The following RBFOX1 variants were observed in gnomAD, a reference collection of about 807,000 sequenced individuals.
RBFOX1 encodes RNA binding protein fox-1 homolog 1.
RBFOX1 carries 8 observed loss-of-function variants against 57.7 expected under a neutral mutation model. The ratio of observed to expected loss-of-function variants is 0.14; its 90% confidence interval spans 0.08 to 0.25. RBFOX1 has a LOEUF of 0.25. RBFOX1 is among the 10% of genes least tolerant of loss of function. RBFOX1 has a pLI of 1.00. For synonymous variants in RBFOX1, 326 were observed against 222.4 expected, an observed-to-expected ratio of 1.47 and a Z score of -4.15; for missense variants, 611 against 548.5, an observed-to-expected ratio of 1.11 and a Z score of -1.14.
At chr16:5,885,996 C>T (rs2057890293) in intron 4 of RBFOX1, among the ~76,000 whole-genome samples, 1 of 152,094 alleles carries the variant, frequency 6.6e-6, no homozygotes, top group Non-Finnish European at 1.5e-5. Flanking sequence ...AGTGAGTTGT[C>T]ATGAGATCTG....
intron 3 of RBFOX1, among the ~76,000 whole-genome samples, chr16:5,648,123 G>T (rs1303677709): frequency 6.6e-6 from 1 of 152,188 alleles, no homozygotes; most frequent in East Asian, 1.9e-4. Context: ...ACCTCCCAGA[G>T]TGCTGGGATC....
At chr16:7,475,343 C>T (rs559957455) in intron 4 of RBFOX1, among the ~76,000 whole-genome samples, 2 of 142,036 alleles carry the variant, frequency 1.4e-5, no homozygotes, top group South Asian at 4.4e-4. Context: ...TAGATGGAGT[C>T]TCGCTCTGTC....
chr16:6,291,699 AG>A (rs2077483676), intron 1 of RBFOX1, among the ~76,000 whole-genome samples: 1 of 152,230 alleles, frequency 6.6e-6, no homozygotes, highest in African/African-American at 2.4e-5. Flanking sequence ...AGACAGACAA[AG>A]GCATAAATAA....
intron 3 of RBFOX1, among the ~76,000 whole-genome samples, chr16:5,788,634 A>G (rs1240126628): frequency 1.3e-5 from 2 of 152,210 alleles, no homozygotes; most frequent in African/African-American, 4.8e-5. Flanking sequence ...GTCTCAATAA[A>G]TAAATGATAA....
Position 7,155,325 on chromosome 16 carries a change from G to T in RBFOX1, c.27+103227G>T, listed in dbSNP as rs538172601. ...GTTGGAGGATTGGCCAGGTACAGTG[G>T]CTACTTGTGATCCTGGCACTTTGGG... On this transcript the variant is annotated intron_variant, in intron 4 of 15. Coordinates refer to ENST00000550418, the MANE Select transcript of RBFOX1 (RefSeq NM_018723.4). Among the ~76,000 whole-genome samples, 8 of 152,152 alleles carry T rather than the reference G, an allele frequency of 5.3e-5. No individual in the cohort carries two copies. The South Asian group carries it at 1.7e-3, about 32-fold the overall frequency.
At chr16:6,812,312 C>G (rs1340332616) in intron 3 of RBFOX1, among the ~76,000 whole-genome samples, 1 of 152,124 alleles carries the variant, frequency 6.6e-6, no homozygotes, top group African/African-American at 2.4e-5. Context: ...ACTAACAGAA[C>G]CTTAGAAAGG....
At chr16:7,244,999 G>C (rs71374935) in intron 4 of RBFOX1, among the ~76,000 whole-genome samples, 76 of 152,296 alleles carry the variant, frequency 5.0e-4, no homozygotes, top group Admixed American at 9.1e-4. Flanking sequence ...TCACAGTGCA[G>C]CTGCTCCTCA....
intron 3 of RBFOX1, among the ~76,000 whole-genome samples, chr16:5,782,542 A>G (rs886438065): frequency 6.6e-6 from 1 of 152,210 alleles, no homozygotes; most frequent in Non-Finnish European, 1.5e-5. Flanking sequence ...CATCTAGATC[A>G]TAGCAGAGAT....
chr16:6,767,947 T>TAATAATAATAATAAAG (rs1410744665), intron 3 of RBFOX1, among the ~76,000 whole-genome samples: 17 of 101,048 alleles, frequency 1.7e-4, no homozygotes, highest in South Asian at 3.6e-4. Context: ...ATAATAATAA[T>TAATAATAATAATAAAG]AAGAAGAAGA....
chr16:6,945,411 A>G (rs2079306075), intron 3 of RBFOX1, among the ~76,000 whole-genome samples: 2 of 147,638 alleles, frequency 1.4e-5, no homozygotes, highest in South Asian at 2.2e-4. Flanking sequence ...ATGGCCATGC[A>G]GGAATGTAGA....
intron 4 of RBFOX1, among the ~76,000 whole-genome samples, chr16:7,075,541 C>T (rs1223047217): frequency 2.0e-5 from 3 of 152,056 alleles, no homozygotes; most frequent in Admixed American, 6.5e-5. Flanking sequence ...GCCCACACAA[C>T]TTTGGGTTTG....
At chr16:6,771,040 G>A (rs995507491) in intron 3 of RBFOX1, among the ~76,000 whole-genome samples, 28 of 152,108 alleles carry the variant, frequency 1.8e-4, no homozygotes, top group Non-Finnish European at 2.8e-4. Flanking sequence ...AAGTTAATTC[G>A]GGTTTCATGA....
At chr16:7,382,658 C>G (rs1011174393) in intron 4 of RBFOX1, among the ~76,000 whole-genome samples, 1 of 152,184 alleles carries the variant, frequency 6.6e-6, no homozygotes, top group African/African-American at 2.4e-5. Context: ...GAATTAAAAT[C>G]TGTGTCCATC....
chr16:7,519,031 CA>C (rs968235925), intron 5 of RBFOX1, among the ~76,000 whole-genome samples: 3 of 152,076 alleles, frequency 2.0e-5, no homozygotes, highest in African/African-American at 7.2e-5. Flanking sequence ...TCTAAATAAA[CA>C]AAAATAAAGT....
chr16:7,470,569 G>T lies in RBFOX1; in HGVS notation c.28-47578G>T, dbSNP rs888862387. ...GATGGGTGAGTGGTAGGCAGATGAG[G>T]TGATGGATGGATGGATGGATGGGCG... On this transcript the variant is annotated intron_variant, in intron 4 of 15. Transcript: ENST00000550418. Among the ~76,000 whole-genome samples the T allele has an allele frequency of 3.0e-4, 46 of 151,672 alleles. No homozygotes were observed. The Middle Eastern group carries it at 0.014, about 45-fold the overall frequency.
intron 3 of RBFOX1, among the ~76,000 whole-genome samples, chr16:5,724,981 C>G (rs1405249206): frequency 1.3e-5 from 2 of 152,164 alleles, no homozygotes; most frequent in African/African-American, 4.8e-5. Context: ...TGTCTCTGCT[C>G]AAACCTTGCC....
At chr16:5,497,574 C>G (rs2043041981) in intron 2 of RBFOX1, among the ~76,000 whole-genome samples, 1 of 143,452 alleles carries the variant, frequency 7.0e-6, no homozygotes, top group African/African-American at 2.7e-5. Context: ...GTCAGGAGTT[C>G]AAGACCAGCT....
chr16:6,781,298 G>C (rs545980548), intron 3 of RBFOX1, among the ~76,000 whole-genome samples: 1 of 152,168 alleles, frequency 6.6e-6, no homozygotes, highest in South Asian at 2.1e-4. Context: ...CATGATGAAT[G>C]ATCTTTTTAA....
At chr16:7,517,151 G>GTGTGTC (rs1555540934) in intron 4 of RBFOX1, among the ~76,000 whole-genome samples, 1 of 146,054 alleles carries the variant, frequency 6.8e-6, no homozygotes, top group African/African-American at 2.5e-5. Flanking sequence ...GTGTGTGTGT[G>GTGTGTC]TGTGTGTGTG....
Sources: gnomAD v4.1 joint callset for allele counts (sites outside exome capture counted in the v4.1 genomes callset) on GRCh38, gnomAD v4.1.1 for gene constraint, MANE v1.5 for transcripts, NCBI Gene and HGNC (gene_info 2026-07-23, HGNC 2026-07-21) for gene names.